Variants in RNF213 observed in about 807,000 individuals in gnomAD.
RNF213 encodes the protein ring finger protein 213, also known as E3 ubiquitin-protein ligase RNF213.
A neutral mutation model predicts 514.4 loss-of-function variants in RNF213; 341 were observed. The observed-to-expected ratio is 0.66, with a 90% CI of 0.61 to 0.73. The LOEUF (loss-of-function observed/expected upper bound fraction) is 0.73. Among genes scored for constraint, RNF213 ranks in the 30% least tolerant of loss-of-function variants. The probability of loss-of-function intolerance (pLI) is 0.00; values close to 1 mark genes in which losing one functional copy is unlikely to be tolerated. For synonymous variants in RNF213, 2,655 were observed against 2,658.2 expected, an observed-to-expected ratio of 1.00 and a Z score of 0.04; for missense variants, 5,767 against 6,615.6, an observed-to-expected ratio of 0.87 and a Z score of 4.45.
In RNF213 at chr17:80,292,067, C is replaced by T. The variant is rs561851258; in HGVS notation, c.1471+240C>T. On this transcript the variant is annotated intron_variant, in intron 8 of 67. Coordinates refer to ENST00000582970, the MANE Select transcript of RNF213 (RefSeq NM_001256071.3). Reference sequence around the variant, plus strand: ...TCAGTGTGACTTACCTACTCACTTGCAGGAGGAAACATGCAAAGGACTTTT... The same window carrying T: ...TCAGTGTGACTTACCTACTCACTTGTAGGAGGAAACATGCAAAGGACTTTT... 18 of 584,812 alleles carry T rather than the reference C, an allele frequency of 3.1e-5. No individual in the cohort carries two copies. In the Admixed American group the frequency reaches 3.5e-4, roughly 11 times the overall value. The allele number at this position is 584,812 out of a possible 1,614,324, so 36.2% of individuals were successfully genotyped here.
At chr17:80,357,342 CCTAT>C (rs1256399316) in intron 36 of RNF213, among the ~76,000 whole-genome samples, 7 of 152,154 alleles carry the variant, frequency 4.6e-5, no homozygotes, top group African/African-American at 1.7e-4. Flanking sequence ...TTTCTGTCTG[CCTAT>C]CTGTGCATTC....
intron 67 of RNF213, among the ~76,000 whole-genome samples, chr17:80,391,705 T>C (rs1441288596): frequency 6.6e-6 from 1 of 151,144 alleles, no homozygotes; most frequent in African/African-American, 2.4e-5. Flanking sequence ...CTATAAAGGG[T>C]CTCTATACAA....
At chr17:80,273,544 GC>G in intron 3 of RNF213, 140 bp downstream of exon 3, 1 of 1,076,154 alleles carries the variant, frequency 9.3e-7, no homozygotes, top group African/African-American at 1.6e-5. Context: ...CAGCAGAGCT[GC>G]CCCTTCTGCA....
intron 25 of RNF213, among the ~76,000 whole-genome samples, chr17:80,338,732 T>C (rs1400569146): frequency 6.6e-6 from 1 of 151,882 alleles, no homozygotes; most frequent in African/African-American, 2.4e-5. Context: ...GCCTATCACT[T>C]GAGGTCAGGT....
intron 42 of RNF213, among the ~76,000 whole-genome samples, chr17:80,365,902 C>T (rs952264019): frequency 6.6e-6 from 1 of 152,202 alleles, no homozygotes; most frequent in Admixed American, 6.5e-5. Flanking sequence ...TGCTCACATG[C>T]CCACAGGATT....
chr17:80,277,939 T>C (rs1486128120), intron 3 of RNF213, among the ~76,000 whole-genome samples: 1 of 152,022 alleles, frequency 6.6e-6, no homozygotes, highest in Non-Finnish European at 1.5e-5. Context: ...ATGGGGTGGG[T>C]GGAGAGGGAA....
chr17:80,290,568 A>T lies in RNF213; in HGVS notation c.1113-2A>T. On this transcript the variant is annotated splice_acceptor_variant, in intron 6 of 67. Transcript: ENST00000582970. LOFTEE classifies it high-confidence loss of function. ...CAGATTTCTGTTTTGGTTTTCCACCAGCACGCTGAGCCCGGGTGGAGGAGT... is the reference window on the plus strand; with the variant it reads ...CAGATTTCTGTTTTGGTTTTCCACCTGCACGCTGAGCCCGGGTGGAGGAGT... 2 of 1,613,764 alleles carry T rather than the reference A, an allele frequency of 1.2e-6. No homozygotes were observed. The highest frequency in any genetic ancestry group is 1.7e-6 in the Non-Finnish European group (2 of 1,180,044).
At chr17:80,350,928 T>C (rs896122111) in intron 31 of RNF213, among the ~76,000 whole-genome samples, 3 of 152,274 alleles carry the variant, frequency 2.0e-5, no homozygotes, top group African/African-American at 4.8e-5. Context: ...ACAATTTGAA[T>C]TTATTTCAAG....
At position 80,389,944 on chromosome 17, in the gene RNF213, G is replaced by A. The variant is rs368044060; in HGVS notation, c.15285+27G>A. 287 of 1,612,562 alleles carry A rather than the reference G, an allele frequency of 1.8e-4. No individual in the cohort carries two copies. The Middle Eastern group carries it at 4.1e-3, about 23-fold the overall frequency. On this transcript the variant is annotated intron_variant, in intron 66 of 67. Transcript: ENST00000582970. ...TAAGTCTGGTCTCTTCCTCTCTGCT[G>A]GACAGAGGGACTGCGCTCCCTTCTC...
rs769487554 is a variant in RNF213 at position 80,367,833 on chromosome 17, G to C, written c.11957G>C (p.Ser3986Thr). The change falls in exon 43 of 68, where the codon AGC becomes ACC. Residue 3986 changes from serine (S) to threonine (T), a missense_variant. Physicochemically the swap from Ser to Thr is moderately conservative, Grantham distance 58. Around this residue, in one of 13 missense-constraint regions of RNF213, gnomAD observed 355 missense variants for 358.0 expected, o/e 0.99. Coordinates refer to ENST00000582970, the MANE Select transcript of RNF213 (RefSeq NM_001256071.3). Reference sequence around the variant, plus strand: ...CTCTGTGAATGCAAGGAGACAGCCAGCAAGACCCTCAGCAGGTGAGACCTT... The same window carrying C: ...CTCTGTGAATGCAAGGAGACAGCCACCAAGACCCTCAGCAGGTGAGACCTT... ...RTLCECKETA[S>T]KTLSRFGIQP... is the part of the protein sequence containing the mutation. The C allele has an allele frequency of 5.0e-6, 8 of 1,614,140 alleles. No homozygotes were observed. Among genetic ancestry groups the C allele is most frequent in the Non-Finnish European group, 6.8e-6 (8 of 1,180,048 alleles).
intron 3 of RNF213, among the ~76,000 whole-genome samples, chr17:80,275,120 GGGTGTGTGTGAGT>G (rs910927531): frequency 7.1e-6 from 1 of 140,170 alleles, no homozygotes; most frequent in Non-Finnish European, 1.5e-5. Flanking sequence ...TGTGCGTGTT[GGGTGTGTGTGAGT>G]GGTGTGTGTG....
Position 80,351,798 on chromosome 17 carries a change from A to C in RNF213, c.10298A>C (p.His3433Pro). Reference protein sequence around the residue: ...VGRGTAYVGFHGGLWQSVHID... With the variant: ...VGRGTAYVGFPGGLWQSVHID... ...AGAGGAACAGCCTATGTGGGCTTCC[A>C]CGGAGGTGAGATCAGAACATCAGTC... The change falls in exon 32 of 68, where the codon CAC (histidine) becomes CCC (proline). Residue 3433 changes from histidine to proline, a missense_variant. By Grantham distance (77) the His-to-Pro change is moderately conservative (BLOSUM62 -2). Coordinates refer to ENST00000582970, the MANE Select transcript of RNF213 (RefSeq NM_001256071.3). 6.6e-7 allele frequency: 1 copy of C among 1,519,352 alleles called. No individual in the cohort carries two copies. The highest frequency in any genetic ancestry group is 9.1e-7 in the Non-Finnish European group (1 of 1,093,622). 94.1% of individuals were successfully genotyped at this position (1,519,352 alleles called of 1,614,324 possible). A position where few individuals can be genotyped will look rare whatever the true frequency, so the allele number is the denominator to read the frequency against.
In RNF213 at chr17:80,327,806, A is replaced by G; in HGVS notation, c.3194-10A>G. 1 of 1,532,412 alleles carries G rather than the reference A, an allele frequency of 6.5e-7. No individual in the cohort carries two copies. Among genetic ancestry groups the G allele is most frequent in the Non-Finnish European group, 8.7e-7 (1 of 1,143,110 alleles). 94.9% of individuals were successfully genotyped at this position (1,532,412 alleles called of 1,614,324 possible). A position where few individuals can be genotyped will look rare whatever the true frequency, so the allele number is the denominator to read the frequency against. Reference sequence around the variant, plus strand: ...GCCCACTGTGTTAACTGTGTTCTTCATCTATTCAGGAACCGACGAGAAAAT... The same window carrying G: ...GCCCACTGTGTTAACTGTGTTCTTCGTCTATTCAGGAACCGACGAGAAAAT... On this transcript the variant is annotated splice_polypyrimidine_tract_variant and intron_variant, in intron 18 of 67. Coordinates refer to ENST00000582970, the MANE Select transcript of RNF213 (RefSeq NM_001256071.3).
At chr17:80,262,869 G>GCAC in intron 1 of RNF213, among the ~76,000 whole-genome samples, 1 of 152,282 alleles carries the variant, frequency 6.6e-6, no homozygotes, top group East Asian at 1.9e-4. Flanking sequence ...GCTGCTGAAG[G>GCAC]CACCAGTCAG....
In RNF213 at chr17:80,317,061, G is replaced by A; in HGVS notation, c.2812-127G>A. On this transcript the variant is annotated intron_variant, in intron 15 of 67. Transcript: ENST00000582970. The surrounding 1 kb of genome is among the most constrained non-coding windows in gnomAD (Gnocchi z 4.1). ...GCTGACTGTTGATGAAGGTTGGGGA[G>A]AGCCCTGGTGTTCGCGGAGTCCCGC... is the stretch of plus-strand genomic sequence containing the variant. 2.0e-6 allele frequency: 2 copies of A among 1,007,928 alleles called. No homozygotes were observed. Among genetic ancestry groups the A allele is most frequent in the South Asian group, 2.7e-5 (2 of 72,768 alleles). The allele number at this position is 1,007,928 out of a possible 1,614,324, so 62.4% of individuals were successfully genotyped here. A position where few individuals can be genotyped will look rare whatever the true frequency, so the allele number is the denominator to read the frequency against.
chr17:80,339,848 C>T lies in RNF213; in HGVS notation c.5481C>T (p.Val1827=), dbSNP rs1241325704. Residue 1827 remains valine, a synonymous_variant, in exon 26 of 68, where the codon GTC becomes GTT. Coordinates refer to ENST00000582970, the MANE Select transcript of RNF213 (RefSeq NM_001256071.3). The part of the protein sequence containing the change: ...VERCLPRGLQ[V]GQPNLVVCGH... ...GTTGTCTCCCGAGAGGTCTGCAGGTCGGCCAGCCCAACCTCGTCGTCTGTG... is the reference window on the plus strand; with the variant it reads ...GTTGTCTCCCGAGAGGTCTGCAGGTTGGCCAGCCCAACCTCGTCGTCTGTG... 5.8e-5 allele frequency: 89 copies of T among 1,536,020 alleles called. No homozygotes were observed. Among genetic ancestry groups the T allele is most frequent in the African/African-American group, 9.6e-5 (7 of 72,998 alleles).
At chr17:80,382,620 C>T (rs1263196697) in intron 57 of RNF213, 2 of 325,474 alleles carry the variant, frequency 6.1e-6, no homozygotes, top group Non-Finnish European at 1.2e-5. Flanking sequence ...TCCCGCAGCA[C>T]TCCACATCTG....
chr17:80,396,960 G>C lies in RNF213; in HGVS notation c.*3462G>C, dbSNP rs577069538. The C allele has an allele frequency of 6.6e-6, 1 of 152,430 alleles. No homozygotes were observed. Among genetic ancestry groups the C allele is most frequent in the African/African-American group, 2.4e-5 (1 of 41,546 alleles). The allele number at this position is 152,430 out of a possible 1,614,324, so 9.4% of individuals were successfully genotyped here. On this transcript the variant is annotated 3_prime_UTR_variant, in exon 68 of 68. Transcript: ENST00000582970. ...CCACAGCCCATAAAAAACGCCTTCAGCCCTGCTGTGCTTCCCCTCACACCT... is the reference window on the plus strand; with the variant it reads ...CCACAGCCCATAAAAAACGCCTTCACCCCTGCTGTGCTTCCCCTCACACCT...
At chr17:80,391,299 G>C (rs2080462756) in intron 67 of RNF213, among the ~76,000 whole-genome samples, 1 of 151,980 alleles carries the variant, frequency 6.6e-6, no homozygotes, top group South Asian at 2.1e-4. Context: ...TTGAGACCGT[G>C]TCTCACTCCC....
Sources: gnomAD v4.1 joint callset for allele counts (sites outside exome capture counted in the v4.1 genomes callset) on GRCh38, gnomAD v4.1.1 for gene constraint, gnomAD v4.1.1 regional missense constraint, Gnocchi (gnomAD v3.1) non-coding constraint, MANE v1.5 for transcripts, NCBI Gene and HGNC (gene_info 2026-07-23, HGNC 2026-07-21) for gene names.